The following CNTNAP2 variants were observed in gnomAD, a reference collection of about 807,000 sequenced individuals.
CNTNAP2 encodes the protein contactin associated protein 2.
A neutral mutation model predicts 155.2 loss-of-function variants in CNTNAP2; 98 were observed. The observed-to-expected ratio is 0.63, with a 90% CI of 0.54 to 0.75. The LOEUF (loss-of-function observed/expected upper bound fraction) is 0.75, where lower values mean the gene tolerates loss of function less well. Ranked by LOEUF, CNTNAP2 falls within the 30% of genes least tolerant of loss-of-function variation. CNTNAP2 has a pLI of 0.00. For synonymous variants in CNTNAP2, 651 were observed against 631.2 expected, an observed-to-expected ratio of 1.03 and a Z score of -0.47; for missense variants, 1,727 against 1,688.1, an observed-to-expected ratio of 1.02 and a Z score of -0.40.
chr7:147,519,068 C>T (rs557441932), intron 11 of CNTNAP2, among the ~76,000 whole-genome samples: 2 of 151,216 alleles, frequency 1.3e-5, no homozygotes, highest in East Asian at 3.9e-4. Flanking sequence ...TTTCCTAGGG[C>T]TGCTCTAACA....
At chr7:147,127,474 A>G (rs914941203) in intron 6 of CNTNAP2, among the ~76,000 whole-genome samples, 1 of 152,102 alleles carries the variant, frequency 6.6e-6, no homozygotes, top group Non-Finnish European at 1.5e-5. Context: ...TAAATCATAG[A>G]ACATAATTTG....
intron 21 of CNTNAP2, among the ~76,000 whole-genome samples, chr7:148,328,925 G>A (rs12704011): frequency 0.32 from 46,221 of 143,560 alleles, 7,897 homozygotes; most frequent in Non-Finnish European, 0.4. Context: ...GCAGTGAGCC[G>A]AGATTGTGCC....
chr7:147,601,064 A>C (rs766177196), intron 12 of CNTNAP2, among the ~76,000 whole-genome samples: 21 of 152,164 alleles, frequency 1.4e-4, no homozygotes, highest in Non-Finnish European at 1.8e-4. Context: ...AAAATTGGAG[A>C]GAGCACTGTA....
intron 1 of CNTNAP2, among the ~76,000 whole-genome samples, chr7:146,562,910 G>A (rs550655462): frequency 7.2e-5 from 11 of 151,910 alleles, no homozygotes; most frequent in African/African-American, 9.7e-5. Context: ...ACATGCAGAC[G>A]CCTAAACTAC....
chr7:146,299,459 C>T (rs1458480970), intron 1 of CNTNAP2, among the ~76,000 whole-genome samples: 2 of 152,114 alleles, frequency 1.3e-5, no homozygotes, highest in East Asian at 1.9e-4. Flanking sequence ...TCATAGCTCA[C>T]AGCAGCCTAG....
In CNTNAP2 at chr7:146,796,579, C is replaced by T. The variant is rs145801227; in HGVS notation, c.208+22198C>T. 2.5e-3 allele frequency among the ~76,000 whole-genome samples: 373 copies of T among 152,090 alleles called. 1 individual carries two copies. The highest frequency in any genetic ancestry group is 8.6e-3 in the African/African-American group (355 of 41,486). ...GATAAAGAAGATCTAGCTTCTGAAA[C>T]GCAGTTCTATAATTAAAGAAGTGAT... On this transcript the variant is annotated intron_variant, in intron 2 of 23. Coordinates refer to ENST00000361727, the MANE Select transcript of CNTNAP2 (RefSeq NM_014141.6).
intron 8 of CNTNAP2, among the ~76,000 whole-genome samples, chr7:147,284,564 C>T (rs1004268843): frequency 6.6e-6 from 1 of 151,836 alleles, no homozygotes; most frequent in Non-Finnish European, 1.5e-5. Context: ...AAAAATATTA[C>T]ATTTTAAAAT....
intron 10 of CNTNAP2, among the ~76,000 whole-genome samples, chr7:147,469,708 C>T (rs1447777432): frequency 6.6e-6 from 1 of 151,472 alleles, no homozygotes; most frequent in African/African-American, 2.4e-5. Flanking sequence ...TTAGTGGAGA[C>T]GGGGTTTCAT....
chr7:146,694,685 G>T (rs1800753071), intron 1 of CNTNAP2, among the ~76,000 whole-genome samples: 2 of 152,084 alleles, frequency 1.3e-5, no homozygotes. Context: ...ATTAATTTGG[G>T]AAGAATTCAG....
chr7:147,893,145 C>T (rs891455022), intron 13 of CNTNAP2, among the ~76,000 whole-genome samples: 2 of 152,250 alleles, frequency 1.3e-5, no homozygotes, highest in Admixed American at 6.5e-5. Context: ...GAGAATATTG[C>T]TATCCTGTTT....
At chr7:147,415,063 A>G (rs1033414084) in intron 10 of CNTNAP2, among the ~76,000 whole-genome samples, 5 of 152,062 alleles carry the variant, frequency 3.3e-5, no homozygotes, top group Admixed American at 2.0e-4. Flanking sequence ...CTGTCACCAG[A>G]ACACAATGTT....
chr7:146,951,977 A>G (rs1435527525), intron 3 of CNTNAP2, among the ~76,000 whole-genome samples: 4 of 151,980 alleles, frequency 2.6e-5, no homozygotes, highest in Non-Finnish European at 5.9e-5. Context: ...GAGACATAAC[A>G]AAAGAAAATT....
At chr7:146,469,862 C>G (rs1400159217) in intron 1 of CNTNAP2, among the ~76,000 whole-genome samples, 26 of 117,322 alleles carry the variant, frequency 2.2e-4, no homozygotes, top group Admixed American at 1.8e-3. Context: ...TTTTTTGAGA[C>G]ACAGTCTTAC....
At chr7:146,987,757 G>C (rs567806828) in intron 3 of CNTNAP2, among the ~76,000 whole-genome samples, 36 of 152,164 alleles carry the variant, frequency 2.4e-4, no homozygotes, top group African/African-American at 7.0e-4. Context: ...AGATACCAGG[G>C]ACAAGTGGAA....
At chr7:146,247,268 C>G (rs2116937411) in intron 1 of CNTNAP2, among the ~76,000 whole-genome samples, 1 of 152,216 alleles carries the variant, frequency 6.6e-6, no homozygotes, top group East Asian at 1.9e-4. Flanking sequence ...TTGACTATGC[C>G]TTTAGCTTCA....
At chr7:146,673,099 G>T (rs1430065502) in intron 1 of CNTNAP2, among the ~76,000 whole-genome samples, 1 of 151,796 alleles carries the variant, frequency 6.6e-6, no homozygotes, top group Non-Finnish European at 1.5e-5. Flanking sequence ...TGTTACATTA[G>T]TTCAGAATCA....
intron 1 of CNTNAP2, among the ~76,000 whole-genome samples, chr7:146,245,257 GGGA>G (rs1462605042): frequency 6.6e-6 from 1 of 152,050 alleles, no homozygotes; most frequent in Non-Finnish European, 1.5e-5. Context: ...GGAATAATGT[GGGA>G]GGCCAGATTG....
intron 14 of CNTNAP2, among the ~76,000 whole-genome samples, chr7:147,936,514 A>G (rs542402032): frequency 6.6e-6 from 1 of 152,210 alleles, no homozygotes; most frequent in African/African-American, 2.4e-5. Flanking sequence ...AGTTCAACAC[A>G]GAATGATAAA....
chr7:147,408,615 A>G (rs966194420), intron 10 of CNTNAP2, among the ~76,000 whole-genome samples: 1 of 152,052 alleles, frequency 6.6e-6, no homozygotes, highest in Admixed American at 6.6e-5. Flanking sequence ...AAAATTAGCC[A>G]GGCGTGGTGG....
Sources: allele counts gnomAD v4.1 joint callset (sites outside exome capture counted in the v4.1 genomes callset), GRCh38; gene constraint gnomAD v4.1.1; transcripts MANE v1.5; gene names NCBI Gene and HGNC (gene_info 2026-07-23, HGNC 2026-07-21).